SEM1: variants seen among roughly 807,000 people sequenced by gnomAD.
SEM1 encodes the protein 26S proteasome complex subunit SEM1.
Under a neutral mutation model 12.7 loss-of-function variants are expected in SEM1, and 3 were observed. The observed-to-expected ratio is 0.24, with a 90% CI of 0.11 to 0.61. SEM1 has a LOEUF of 0.61. Ranked by LOEUF, SEM1 falls within the 20% of genes least tolerant of loss-of-function variation. The pLI, the probability that SEM1 is intolerant of heterozygous loss-of-function variation, is 0.88. For missense variants in SEM1, 59 were observed against 81.3 expected (o/e 0.73, Z 1.06); for synonymous variants, 30 against 27.8 (o/e 1.08, Z -0.25).
At chr7:96,505,134 A>G (rs1414141681) in intron 3 of SEM1, among the ~76,000 whole-genome samples, 2 of 151,610 alleles carry the variant, frequency 1.3e-5, no homozygotes, top group Admixed American at 6.6e-5. Context: ...ACAGAGTCTC[A>G]CTCTGTCCCC....
At chr7:96,518,740 T>G (rs1006550654) in intron 2 of SEM1, among the ~76,000 whole-genome samples, 1 of 152,178 alleles carries the variant, frequency 6.6e-6, no homozygotes, top group African/African-American at 2.4e-5. Flanking sequence ...TGCGAATTAT[T>G]CAGTTCTTTA....
intron 2 of SEM1, among the ~76,000 whole-genome samples, chr7:96,523,814 C>G (rs1327082644): frequency 6.6e-6 from 1 of 152,142 alleles, no homozygotes; most frequent in East Asian, 1.9e-4. Context: ...GCCTCCATCA[C>G]CCCTTGAAAT....
chr7:96,483,549 T>A, exon 4 of SEM1: 1 of 370,208 alleles, frequency 2.7e-6, no homozygotes, highest in South Asian at 2.4e-5. Context: ...TTGCATCAGC[T>A]ACAGACTCTA....
exon 4 of SEM1, chr7:96,482,513 T>C (rs753670433): frequency 7.9e-5 from 12 of 152,202 alleles, no homozygotes; most frequent in Non-Finnish European, 1.3e-4. Flanking sequence ...TGATTTCACA[T>C]AGGATAATAT....
chr7:96,626,264 G>A (rs1418678541), intron 2 of SEM1, among the ~76,000 whole-genome samples: 1 of 152,058 alleles, frequency 6.6e-6, no homozygotes, highest in Admixed American at 6.6e-5. Flanking sequence ...AAATAAATGA[G>A]AATATGAAAA....
rs1342207420 is a variant in SEM1 at position 96,585,790 on chromosome 7, C to A, written c.171-79092G>T. On this transcript the variant is annotated intron_variant and NMD_transcript_variant, in intron 2 of 3. Coordinates refer to the SEM1 transcript ENST00000466986. Reference sequence around the variant, plus strand: ...AAAGGGAACTCCCTGACCCCTTGCGCTTCCCGAGTGAGGCAATGCCTCGCC... The same window carrying A: ...AAAGGGAACTCCCTGACCCCTTGCGATTCCCGAGTGAGGCAATGCCTCGCC... Among the ~76,000 whole-genome samples the A allele has an allele frequency of 2.6e-5, 4 of 152,312 alleles. No homozygotes were observed. The East Asian group carries it at 7.7e-4, about 29-fold the overall frequency.
At chr7:96,529,325 C>T (rs1804571270) in intron 2 of SEM1, among the ~76,000 whole-genome samples, 1 of 151,782 alleles carries the variant, frequency 6.6e-6, no homozygotes. Flanking sequence ...CACTTTTTTC[C>T]CTACCATGAA....
downstream of SEM1, among the ~76,000 whole-genome samples, chr7:96,687,242 T>G (rs1274031889): frequency 6.6e-6 from 1 of 152,124 alleles, no homozygotes; most frequent in Non-Finnish European, 1.5e-5. Context: ...TCCTCAGGGA[T>G]CTAGAACTAG....
chr7:96,630,637 G>A (rs1242730853), intron 2 of SEM1, among the ~76,000 whole-genome samples: 1 of 152,132 alleles, frequency 6.6e-6, no homozygotes, highest in Non-Finnish European at 1.5e-5. Context: ...TGTAGCCAAG[G>A]TGGCACCTAA....
At chr7:96,534,275 T>G (rs1434935105) in intron 2 of SEM1, among the ~76,000 whole-genome samples, 1 of 152,064 alleles carries the variant, frequency 6.6e-6, no homozygotes. Flanking sequence ...TTTGGAAAAT[T>G]TGTAACTGCC....
intron 2 of SEM1, among the ~76,000 whole-genome samples, chr7:96,572,234 T>C (rs542017190): frequency 5.3e-5 from 8 of 152,310 alleles, no homozygotes; most frequent in Admixed American, 1.3e-4. Context: ...AAAAACCAGC[T>C]TCTGGATTCA....
chr7:96,609,788 G>A (rs1807487248), intron 2 of SEM1, among the ~76,000 whole-genome samples: 1 of 152,190 alleles, frequency 6.6e-6, no homozygotes, highest in Non-Finnish European at 1.5e-5. Flanking sequence ...ACAAAAGGAA[G>A]CAAGATGTAT....
intron 2 of SEM1, among the ~76,000 whole-genome samples, chr7:96,512,597 G>A (rs1485287914): frequency 1.3e-5 from 2 of 152,070 alleles, no homozygotes; most frequent in Non-Finnish European, 2.9e-5. Context: ...AAAGGGAAAC[G>A]GGCTTGAGTA....
chr7:96,654,584 A>C (rs1284655719), intron 2 of SEM1, among the ~76,000 whole-genome samples: 2 of 152,156 alleles, frequency 1.3e-5, no homozygotes, highest in Non-Finnish European at 2.9e-5. Context: ...AGCAAATGCT[A>C]CTCTACCAGT....
chr7:96,488,820 T>G (rs1391173151), intron 1 of SEM1, among the ~76,000 whole-genome samples: 1 of 151,922 alleles, frequency 6.6e-6, no homozygotes, highest in African/African-American at 2.4e-5. Flanking sequence ...CAAAATGAAG[T>G]GTATTGGCCT....
chr7:96,571,342 A>T (rs933414876), intron 2 of SEM1, among the ~76,000 whole-genome samples: 18 of 152,102 alleles, frequency 1.2e-4, no homozygotes, highest in African/African-American at 4.3e-4. Flanking sequence ...TTTAGGTCAT[A>T]CATTTAAGTC....
At chr7:96,586,816 A>G (rs923765004) in intron 2 of SEM1, among the ~76,000 whole-genome samples, 2 of 152,168 alleles carry the variant, frequency 1.3e-5, no homozygotes, top group African/African-American at 4.8e-5. Flanking sequence ...TTTTTGACAG[A>G]TGAGGAAATA....
At chr7:96,542,524 T>A (rs1804987900) in intron 2 of SEM1, among the ~76,000 whole-genome samples, 1 of 151,870 alleles carries the variant, frequency 6.6e-6, no homozygotes, top group Non-Finnish European at 1.5e-5. Flanking sequence ...AAAACCCTAT[T>A]ATCTTGATTT....
chr7:96,532,658 T>A (rs549048696), intron 2 of SEM1, among the ~76,000 whole-genome samples: 1 of 152,140 alleles, frequency 6.6e-6, no homozygotes, highest in East Asian at 1.9e-4. Context: ...AGCCAGGGTG[T>A]AGTGGATGCA....
Sources: gnomAD v4.1 joint callset for allele counts (sites outside exome capture counted in the v4.1 genomes callset) on GRCh38, gnomAD v4.1.1 for gene constraint, MANE v1.5 for transcripts, NCBI Gene and HGNC (gene_info 2026-07-23, HGNC 2026-07-21) for gene names.